The following MDGA2 variants were observed in gnomAD, a reference collection of about 807,000 sequenced individuals.
MDGA2 encodes the protein MAM domain-containing glycosylphosphatidylinositol anchor protein 2.
MDGA2 carries 40 observed loss-of-function variants against 117.8 expected under a neutral mutation model. That is an observed-to-expected ratio of 0.34 (90% CI 0.26 to 0.44). The LOEUF is 0.44. MDGA2 is among the 20% of genes least tolerant of loss of function. The probability of loss-of-function intolerance (pLI) is 1.00; values close to 1 mark genes in which losing one functional copy is unlikely to be tolerated. For synonymous variants in MDGA2, 452 were observed against 439.0 expected (o/e 1.03, Z -0.37); for missense variants, 1,123 against 1,250.6 (o/e 0.90, Z 1.54).
At chr14:46,873,328 A>T in intron 14 of MDGA2, 105 bp downstream of exon 14, 1 of 1,001,962 alleles carries the variant, frequency 1.0e-6, no homozygotes, top group Non-Finnish European at 1.4e-6. Flanking sequence ...AAAGTGAATT[A>T]TAGCATTCTT....
intron 1 of MDGA2, among the ~76,000 whole-genome samples, chr14:47,489,251 A>G (rs1198742397): frequency 6.6e-6 from 1 of 152,034 alleles, no homozygotes; most frequent in Non-Finnish European, 1.5e-5. Flanking sequence ...ACTCTCAAAC[A>G]CATTTTAAAT....
At chr14:47,175,708 AAACT>A (rs1198149696) in intron 3 of MDGA2, among the ~76,000 whole-genome samples, 1 of 148,970 alleles carries the variant, frequency 6.7e-6, no homozygotes, top group Non-Finnish European at 1.5e-5. Flanking sequence ...GAATGGGCAA[AAACT>A]GGAAGCATTT....
At position 47,196,666 on chromosome 14, in the gene MDGA2, T is replaced by C. The variant is rs140371111; in HGVS notation, c.595+21355A>G. On this transcript the variant is annotated intron_variant, in intron 3 of 16. Transcript: ENST00000399232. ...GATTCATGTATCATCATTTACAACA[T>C]AGGCATTATTAATTTTAGGTTCAAA... 2.2e-3 allele frequency among the ~76,000 whole-genome samples: 331 copies of C among 152,334 alleles called. 4 individuals carry two copies. The highest frequency in any genetic ancestry group is 7.7e-3 in the African/African-American group (319 of 41,574).
At chr14:46,989,676 A>G (rs1887007553) in intron 8 of MDGA2, among the ~76,000 whole-genome samples, 1 of 152,106 alleles carries the variant, frequency 6.6e-6, no homozygotes, top group Non-Finnish European at 1.5e-5. Context: ...TGACTTCCAT[A>G]TAGATTGTGT....
intron 6 of MDGA2, among the ~76,000 whole-genome samples, chr14:47,086,100 T>G (rs1020692078): frequency 1.0e-4 from 14 of 140,188 alleles, no homozygotes; most frequent in East Asian, 4.8e-4. Flanking sequence ...TAAGGTTTTT[T>G]TTTTTTGTTT....
chr14:47,605,188 C>A (rs756207282), intron 1 of MDGA2, among the ~76,000 whole-genome samples: 3 of 152,136 alleles, frequency 2.0e-5, no homozygotes, highest in African/African-American at 2.4e-5. Flanking sequence ...TTTGGCAAAT[C>A]ATTTTTTTTC....
intron 6 of MDGA2, among the ~76,000 whole-genome samples, chr14:47,092,091 G>C (rs2899994): frequency 0.36 from 54,350 of 152,040 alleles, 10,039 homozygotes; most frequent in East Asian, 0.53. Context: ...TCTAAAAGAG[G>C]GGCTACAGTG....
intron 1 of MDGA2, among the ~76,000 whole-genome samples, chr14:47,433,899 G>A (rs955342436): frequency 6.6e-6 from 1 of 152,108 alleles, no homozygotes; most frequent in African/African-American, 2.4e-5. Flanking sequence ...ACAATTATCA[G>A]TCATTGTAAA....
At chr14:47,093,325 T>C (rs762581755) in intron 6 of MDGA2, among the ~76,000 whole-genome samples, 1 of 152,132 alleles carries the variant, frequency 6.6e-6, no homozygotes, top group Non-Finnish European at 1.5e-5. Context: ...TACACTAAAA[T>C]ACAGTAATGT....
At chr14:47,048,946 T>G (rs909399633) in intron 7 of MDGA2, among the ~76,000 whole-genome samples, 4 of 152,056 alleles carry the variant, frequency 2.6e-5, no homozygotes, top group Non-Finnish European at 4.4e-5. Flanking sequence ...ACATAAAAAC[T>G]TATATAATGT....
At chr14:47,125,548 T>C (rs1325423575) in intron 5 of MDGA2, among the ~76,000 whole-genome samples, 1 of 150,208 alleles carries the variant, frequency 6.7e-6, no homozygotes, top group Non-Finnish European at 1.5e-5. Context: ...TCTTTTTCCA[T>C]GAAAATTTAT....
At chr14:47,387,799 A>C (rs1891795221) in intron 1 of MDGA2, among the ~76,000 whole-genome samples, 1 of 152,212 alleles carries the variant, frequency 6.6e-6, no homozygotes, top group Non-Finnish European at 1.5e-5. Flanking sequence ...AAAGTCATAG[A>C]TCTCACCATC....
At chr14:47,437,070 A>G (rs1892914465) in intron 1 of MDGA2, among the ~76,000 whole-genome samples, 2 of 152,096 alleles carry the variant, frequency 1.3e-5, no homozygotes, top group Admixed American at 6.6e-5. Context: ...TTTTTAGCCT[A>G]GAATTGTACT....
chr14:47,052,699 C>T (rs1267916955), intron 7 of MDGA2, among the ~76,000 whole-genome samples: 1 of 151,860 alleles, frequency 6.6e-6, no homozygotes, highest in African/African-American at 2.4e-5. Flanking sequence ...ATCCCTTTCA[C>T]TCCTTTAAAT....
intron 1 of MDGA2, among the ~76,000 whole-genome samples, chr14:47,653,596 C>T (rs1406226103): frequency 6.6e-6 from 1 of 152,068 alleles, no homozygotes; most frequent in East Asian, 1.9e-4. Flanking sequence ...ATCCTAATTC[C>T]CGGAAACTGT....
intron 2 of MDGA2, among the ~76,000 whole-genome samples, chr14:47,258,815 T>A (rs968606979): frequency 6.6e-6 from 1 of 152,134 alleles, no homozygotes; most frequent in Admixed American, 6.6e-5. Flanking sequence ...GCTGCTTATT[T>A]TTTTTTCATT....
At chr14:46,907,993 A>G (rs1034556099) in intron 10 of MDGA2, among the ~76,000 whole-genome samples, 7 of 152,194 alleles carry the variant, frequency 4.6e-5, no homozygotes, top group Admixed American at 4.6e-4. Context: ...GGCAACAAAA[A>G]GAGTTGCAGG....
At chr14:47,394,290 T>G (rs1194695352) in intron 1 of MDGA2, among the ~76,000 whole-genome samples, 1 of 152,142 alleles carries the variant, frequency 6.6e-6, no homozygotes, top group Non-Finnish European at 1.5e-5. Flanking sequence ...CATAAACAAC[T>G]GAAGGAGACA....
At chr14:47,502,499 A>C (rs1594889537) in intron 1 of MDGA2, among the ~76,000 whole-genome samples, 1 of 152,162 alleles carries the variant, frequency 6.6e-6, no homozygotes, top group South Asian at 2.1e-4. Flanking sequence ...TTTATCATGA[A>C]GATTTGTATC....
Sources: allele counts gnomAD v4.1 joint callset (sites outside exome capture counted in the v4.1 genomes callset), GRCh38; gene constraint gnomAD v4.1.1; transcripts MANE v1.5; gene names NCBI Gene and HGNC (gene_info 2026-07-23, HGNC 2026-07-21).